The following NLK variants were observed in gnomAD, a reference collection of about 807,000 sequenced individuals.
NLK encodes nemo like kinase, also known as serine/threonine-protein kinase NLK.
A neutral mutation model predicts 59.0 loss-of-function variants in NLK; 11 were observed. That is an observed-to-expected ratio of 0.19 (90% CI 0.12 to 0.31). The LOEUF (loss-of-function observed/expected upper bound fraction) is 0.31, where lower values mean the gene tolerates loss of function less well. Ranked by LOEUF, NLK falls within the 10% of genes least tolerant of loss-of-function variation. The probability of loss-of-function intolerance (pLI) is 1.00; values close to 1 mark genes in which losing one functional copy is unlikely to be tolerated. For synonymous variants in NLK, 235 were observed against 235.9 expected (o/e 1.00, Z 0.03); for missense variants, 410 against 661.1 (o/e 0.62, Z 4.16).
At chr17:28,152,491 G>A (rs1283284301) in intron 3 of NLK, among the ~76,000 whole-genome samples, 1 of 152,114 alleles carries the variant, frequency 6.6e-6, no homozygotes, top group African/African-American at 2.4e-5. Flanking sequence ...TGCCAATTTT[G>A]TAGATATGTG....
At chr17:28,059,959 G>A (rs1909573390) in intron 1 of NLK, among the ~76,000 whole-genome samples, 1 of 152,118 alleles carries the variant, frequency 6.6e-6, no homozygotes, top group Non-Finnish European at 1.5e-5. Context: ...TGATTCCTAA[G>A]TATTTGTTAC....
chr17:28,181,899 A>G (rs1273112724), intron 7 of NLK, among the ~76,000 whole-genome samples: 1 of 152,128 alleles, frequency 6.6e-6, no homozygotes, highest in Non-Finnish European at 1.5e-5. Flanking sequence ...AGTCCCAACT[A>G]CCTGGGAGGC....
intron 2 of NLK, among the ~76,000 whole-genome samples, chr17:28,123,988 C>G (rs539059148): frequency 6.6e-6 from 1 of 152,206 alleles, no homozygotes; most frequent in South Asian, 2.1e-4. Context: ...ACAAAAAACT[C>G]GAGAACTTTG....
chr17:28,046,980 C>G (rs549162468), intron 1 of NLK, among the ~76,000 whole-genome samples: 1 of 152,244 alleles, frequency 6.6e-6, no homozygotes, highest in African/African-American at 2.4e-5. Context: ...TTTTATTATT[C>G]TAATAACTTC....
At chr17:28,046,914 G>A (rs1370839606) in intron 1 of NLK, among the ~76,000 whole-genome samples, 3 of 152,092 alleles carry the variant, frequency 2.0e-5, no homozygotes, top group Non-Finnish European at 4.4e-5. Flanking sequence ...AAAAATCCTG[G>A]GATTCACTTG....
At chr17:28,140,285 A>G (rs1906932642) in intron 3 of NLK, among the ~76,000 whole-genome samples, 1 of 152,206 alleles carries the variant, frequency 6.6e-6, no homozygotes, top group Non-Finnish European at 1.5e-5. Flanking sequence ...AGAATCAGAA[A>G]TGTACTTTAA....
At chr17:28,110,696 C>T (rs941422502) in intron 1 of NLK, among the ~76,000 whole-genome samples, 9 of 151,746 alleles carry the variant, frequency 5.9e-5, no homozygotes, top group Admixed American at 3.3e-4. Context: ...CTTTTTTCTT[C>T]GTTTCTAATA....
chr17:28,067,111 T>C (rs972546064), intron 1 of NLK, among the ~76,000 whole-genome samples: 3 of 152,198 alleles, frequency 2.0e-5, no homozygotes, highest in Admixed American at 6.5e-5. Flanking sequence ...TGAAGTCCAG[T>C]TGATCCACTT....
At chr17:28,202,349 TCA>T in the NLK span, among the ~76,000 whole-genome samples, 1 of 152,036 alleles carries the variant, frequency 6.6e-6, no homozygotes, top group Non-Finnish European at 1.5e-5. Flanking sequence ...TGAGCCATGA[TCA>T]CACCACTGTA....
At chr17:28,123,445 A>C (rs1906158883) in intron 2 of NLK, among the ~76,000 whole-genome samples, 2 of 152,196 alleles carry the variant, frequency 1.3e-5, no homozygotes, top group African/African-American at 4.8e-5. Flanking sequence ...ATTCAAGTGA[A>C]TTCTAAGATT....
At chr17:28,080,870 T>C (rs1361398952) in intron 1 of NLK, among the ~76,000 whole-genome samples, 1 of 152,160 alleles carries the variant, frequency 6.6e-6, no homozygotes. Context: ...TTCCTTGAAG[T>C]AATCAGTTTA....
intron 1 of NLK, among the ~76,000 whole-genome samples, chr17:28,083,953 C>T (rs1910429926): frequency 6.6e-6 from 1 of 152,106 alleles, no homozygotes; most frequent in Non-Finnish European, 1.5e-5. Context: ...AGCAGACTTC[C>T]ATGAGAACTG....
At chr17:28,124,034 T>G (rs1906188611) in intron 2 of NLK, among the ~76,000 whole-genome samples, 1 of 152,248 alleles carries the variant, frequency 6.6e-6, no homozygotes, top group African/African-American at 2.4e-5. Context: ...AAGCAAATTT[T>G]GAAAAGTTTG....
chr17:28,090,518 AT>A (rs925192293), intron 1 of NLK, among the ~76,000 whole-genome samples: 6 of 150,662 alleles, frequency 4.0e-5, no homozygotes, highest in South Asian at 2.1e-4. Context: ...AATTATTTTA[AT>A]TTTTTTTTAA....
At chr17:28,137,919 A>G (rs1906827640) in intron 3 of NLK, among the ~76,000 whole-genome samples, 1 of 152,022 alleles carries the variant, frequency 6.6e-6, no homozygotes, top group Non-Finnish European at 1.5e-5. Context: ...TCTAGGAAAT[A>G]TATTATTTAA....
chr17:28,057,865 G>A (rs917588022), intron 1 of NLK, among the ~76,000 whole-genome samples: 1 of 152,106 alleles, frequency 6.6e-6, no homozygotes, highest in African/African-American at 2.4e-5. Context: ...ATAGTACAAA[G>A]CCTTGAGAAA....
At chr17:28,144,228 G>C (rs1448492252) in intron 3 of NLK, among the ~76,000 whole-genome samples, 1 of 152,038 alleles carries the variant, frequency 6.6e-6, no homozygotes, top group African/African-American at 2.4e-5. Flanking sequence ...CTTCCTGTCT[G>C]CATAAAGATG....
intron 1 of NLK, among the ~76,000 whole-genome samples, chr17:28,056,537 A>C (rs1317655268): frequency 6.6e-6 from 1 of 152,220 alleles, no homozygotes; most frequent in African/African-American, 2.4e-5. Flanking sequence ...GAAACCAGGA[A>C]CGTGCATCTG....
In NLK at chr17:28,172,637, CTT is replaced by C. The variant is rs1260008382; in HGVS notation, c.1149+23_1149+24del. On this transcript the variant is annotated intron_variant, in intron 7 of 10. Coordinates refer to ENST00000407008, the MANE Select transcript of NLK (RefSeq NM_016231.5). ...TAAACAGGTGAGAGGAGGGGGGAATCTTTTTCTGGTAACCATCTGTTTGGGCA... is the reference window on the plus strand; with the variant it reads ...TAAACAGGTGAGAGGAGGGGGGAATCTTTCTGGTAACCATCTGTTTGGGCA... 9 of 1,391,598 alleles carry C rather than the reference CTT, an allele frequency of 6.5e-6. No individual in the cohort carries two copies. The highest frequency in any genetic ancestry group is 6.8e-6 in the Non-Finnish European group (7 of 1,030,920). The allele number at this position is 1,391,598 out of a possible 1,614,324, so 86.2% of individuals were successfully genotyped here.
Sources: allele counts gnomAD v4.1 joint callset (sites outside exome capture counted in the v4.1 genomes callset), GRCh38; gene constraint gnomAD v4.1.1; transcripts MANE v1.5; gene names NCBI Gene and HGNC (gene_info 2026-07-23, HGNC 2026-07-21).